RNF38: variants seen among roughly 807,000 people sequenced by gnomAD.
RNF38 encodes the protein ring finger protein 38.
Under a neutral mutation model 67.2 loss-of-function variants are expected in RNF38, and 15 were observed. That is an observed-to-expected ratio of 0.22 (90% CI 0.15 to 0.34). RNF38 has a LOEUF of 0.34. Among genes scored for constraint, RNF38 ranks in the 10% least tolerant of loss-of-function variants. RNF38 has a pLI of 1.00. For synonymous variants in RNF38, 220 were observed against 218.8 expected (o/e 1.01, Z -0.05); for missense variants, 524 against 639.9 (o/e 0.82, Z 1.95).
intron 9 of RNF38, among the ~76,000 whole-genome samples, chr9:36,349,965 C>T: frequency 6.6e-6 from 1 of 152,012 alleles, no homozygotes; most frequent in East Asian, 1.9e-4. Flanking sequence ...ATTACAGGCA[C>T]CCGCCACCAC....
intron 1 of RNF38, among the ~76,000 whole-genome samples, chr9:36,397,111 T>G (rs1308635459): frequency 6.7e-6 from 1 of 148,596 alleles, no homozygotes; most frequent in African/African-American, 2.5e-5. Context: ...TTTGTTTTTT[T>G]TTTTTTGAGA....
chr9:36,409,880 T>C (rs1420358489), intron 2 of RNF38, among the ~76,000 whole-genome samples: 1 of 152,198 alleles, frequency 6.6e-6, no homozygotes, highest in Admixed American at 6.5e-5. Flanking sequence ...AATCATAATA[T>C]TAAGTAAATC....
chr9:36,448,444 G>A (rs1386266540), intron 1 of RNF38, among the ~76,000 whole-genome samples: 1 of 152,152 alleles, frequency 6.6e-6, no homozygotes, highest in South Asian at 2.1e-4. Context: ...CCTGTCCTTA[G>A]ACACATGCAG....
intron 1 of RNF38, among the ~76,000 whole-genome samples, chr9:36,435,363 CA>C (rs994937049): frequency 6.6e-6 from 1 of 152,104 alleles, no homozygotes; most frequent in African/African-American, 2.4e-5. Flanking sequence ...AGTTGAAATG[CA>C]AGGCAAACAC....
At chr9:36,449,505 G>A (rs1487121488) in intron 1 of RNF38, among the ~76,000 whole-genome samples, 2 of 152,006 alleles carry the variant, frequency 1.3e-5, no homozygotes, top group African/African-American at 2.4e-5. Context: ...GCGCGATCTC[G>A]GTTCACTGCA....
rs551617373 is a variant in RNF38, at chr9:36,477,054, T to C, written n.241+10254A>G. 5.3e-5 allele frequency among the ~76,000 whole-genome samples: 8 copies of C among 152,254 alleles called. 1 individual carries two copies. In the East Asian group the frequency reaches 1.5e-3, roughly 29 times the overall value. On this transcript the variant is annotated intron_variant and non_coding_transcript_variant, in intron 1 of 3. Coordinates refer to the RNF38 transcript ENST00000488058. ...TCTAAAGATTATTGGCCAGGCGCGA[T>C]GGATCACGCCTGTAATCCCAGCACT...
chr9:36,397,393 C>T (rs545396928), intron 1 of RNF38, among the ~76,000 whole-genome samples: 1 of 152,034 alleles, frequency 6.6e-6, no homozygotes, highest in African/African-American at 2.4e-5. Context: ...GGATTACAGG[C>T]GTGAGCTAAA....
intron 1 of RNF38, among the ~76,000 whole-genome samples, chr9:36,445,289 G>C (rs762512560): frequency 2.6e-5 from 4 of 152,206 alleles, no homozygotes; most frequent in Non-Finnish European, 4.4e-5. Flanking sequence ...ACGTAGCAGA[G>C]AAGTTGAACA....
At chr9:36,441,511 A>T (rs2134299676) in intron 1 of RNF38, among the ~76,000 whole-genome samples, 1 of 152,090 alleles carries the variant, frequency 6.6e-6, no homozygotes, top group Non-Finnish European at 1.5e-5. Flanking sequence ...TTTTTAGTAG[A>T]GCGGGGTTTC....
At chr9:36,392,412 C>T (rs1422374087) in intron 1 of RNF38, among the ~76,000 whole-genome samples, 1 of 152,144 alleles carries the variant, frequency 6.6e-6, no homozygotes, top group Non-Finnish European at 1.5e-5. Context: ...TATTTACTGA[C>T]TGACTCCTAC....
intron 1 of RNF38, among the ~76,000 whole-genome samples, chr9:36,425,985 C>T (rs1352574402): frequency 1.3e-5 from 2 of 152,116 alleles, no homozygotes; most frequent in Admixed American, 1.3e-4. Flanking sequence ...CGTGAGCCAC[C>T]CACCTGGCCT....
intron 9 of RNF38, among the ~76,000 whole-genome samples, chr9:36,347,636 C>CT (rs1833370311): frequency 6.6e-6 from 1 of 152,220 alleles, no homozygotes; most frequent in African/African-American, 2.4e-5. Flanking sequence ...CACTGAACGA[C>CT]TGGCTATTCG....
chr9:36,415,366 T>C (rs1026961043), intron 2 of RNF38, among the ~76,000 whole-genome samples: 1 of 152,194 alleles, frequency 6.6e-6, no homozygotes. Flanking sequence ...TTTCCTGAAG[T>C]TGTGATTGTT....
At chr9:36,420,275 G>A (rs747351045) in intron 2 of RNF38, among the ~76,000 whole-genome samples, 39 of 152,148 alleles carry the variant, frequency 2.6e-4, no homozygotes, top group Non-Finnish European at 4.3e-4. Context: ...GCTCACGCCT[G>A]TAATCCTAGC....
rs909872165 is a variant in RNF38 at position 36,463,550 on chromosome 9, T to A, written n.241+23758A>T. On this transcript the variant is annotated intron_variant and non_coding_transcript_variant, in intron 1 of 3. Coordinates refer to the RNF38 transcript ENST00000488058. ...TTTCCATTCAATTTTCAATATGAAC[T>A]GTTTACCTTTTGGGTAAAGCAAGGT... is the stretch of plus-strand genomic sequence containing the variant. 2.6e-5 allele frequency among the ~76,000 whole-genome samples: 4 copies of A among 152,124 alleles called. No homozygotes were observed. The East Asian group carries it at 7.7e-4, about 29-fold the overall frequency.
intron 2 of RNF38, among the ~76,000 whole-genome samples, chr9:36,378,227 A>AG (rs1435500063): frequency 3.0e-5 from 4 of 131,176 alleles, no homozygotes; most frequent in Non-Finnish European, 6.1e-5. Context: ...CCCAGGCTGG[A>AG]GTTCAGTGAC....
intron 2 of RNF38, among the ~76,000 whole-genome samples, chr9:36,413,154 G>C (rs577069445): frequency 5.3e-5 from 8 of 151,346 alleles, no homozygotes; most frequent in Non-Finnish European, 1.2e-4. Flanking sequence ...ATTTGAACCT[G>C]GGGGGGCAGA....
At chr9:36,396,544 G>A (rs575397135) in intron 1 of RNF38, among the ~76,000 whole-genome samples, 2 of 152,198 alleles carry the variant, frequency 1.3e-5, no homozygotes, top group African/African-American at 4.8e-5. Context: ...TTCTCTGAAA[G>A]GATTTTGACA....
chr9:36,419,114 CACTCAAAGGAAGT>C (rs1460391359), intron 2 of RNF38, among the ~76,000 whole-genome samples: 1 of 152,212 alleles, frequency 6.6e-6, no homozygotes, highest in African/African-American at 2.4e-5. Flanking sequence ...AAAGATTTCA[CACTCAAAGGAAGT>C]ACTCAATGGA....
Sources: gnomAD v4.1 joint callset for allele counts (sites outside exome capture counted in the v4.1 genomes callset) on GRCh38, gnomAD v4.1.1 for gene constraint, MANE v1.5 for transcripts, NCBI Gene and HGNC (gene_info 2026-07-23, HGNC 2026-07-21) for gene names.